COG1: variants seen among roughly 807,000 people sequenced by gnomAD.
COG1 encodes component of oligomeric golgi complex 1.
A neutral mutation model predicts 102.2 loss-of-function variants in COG1; 61 were observed. That is an observed-to-expected ratio of 0.60 (90% confidence interval 0.49 to 0.74). The LOEUF (loss-of-function observed/expected upper bound fraction) is 0.74, where lower values mean the gene tolerates loss of function less well. Among genes scored for constraint, COG1 ranks in the 30% least tolerant of loss-of-function variants. The probability of loss-of-function intolerance (pLI) is 0.00; values close to 1 mark genes in which losing one functional copy is unlikely to be tolerated. For synonymous variants in COG1, 454 were observed against 493.6 expected (o/e 0.92, Z 1.06); for missense variants, 1,164 against 1,232.1 (o/e 0.94, Z 0.83).
chr17:73,193,269 G>C lies in COG1; in HGVS notation c.200G>C (p.Gly67Ala), dbSNP rs886053367. 1.2e-6 allele frequency: 2 copies of C among 1,605,258 alleles called. No individual in the cohort carries two copies. Among genetic ancestry groups the C allele is most frequent in the Middle Eastern group, 1.7e-4 (1 of 5,894 alleles). ...RDLIEAADTI[G>A]QMRRCAVGLV... is the part of the protein sequence containing the mutation. ...CTGATCGAGGCGGCCGACACCATCGGCCAGATGCGCCGCTGCGCCGTGGGG... is the reference window on the plus strand; with the variant it reads ...CTGATCGAGGCGGCCGACACCATCGCCCAGATGCGCCGCTGCGCCGTGGGG... Residue 67 changes from glycine (G) to alanine (A), a missense_variant, in exon 1 of 14, where the codon GGC becomes GCC. Transcript: ENST00000299886.
At chr17:73,197,964 G>C (rs1028170286) in intron 4 of COG1, among the ~76,000 whole-genome samples, 1 of 152,246 alleles carries the variant, frequency 6.6e-6, no homozygotes. Flanking sequence ...GACCTTCCAG[G>C]CTTGGTGCGG....
rs1198875142 is a variant in COG1, at chr17:73,203,069, A to G, written c.2143A>G (p.Ser715Gly). The G allele has an allele frequency of 6.2e-7, 1 of 1,614,098 alleles. No individual in the cohort carries two copies. The highest frequency in any genetic ancestry group is 1.3e-5 in the African/African-American group (1 of 74,942). ...DAGSVLATATSWDELEIQEEA... is the reference protein window; with the variant it reads ...DAGSVLATATGWDELEIQEEA... ...TGGCTCAGTTCTGGCCACAGCCACC[A>G]GCTGGGATGAGCTAGAAATTCAGGA... The change falls in exon 8 of 14, where the codon AGC becomes GGC. Residue 715 changes from serine (S) to glycine (G), a missense_variant. Ser to Gly is a moderately conservative substitution (Grantham distance 56, BLOSUM62 0). Transcript: ENST00000299886.
At position 73,193,241 on chromosome 17, in the gene COG1, G is replaced by C; in HGVS notation, c.172G>C (p.Asp58His). ...GCAGATGGTGGGCGAACGGTACCGC[G>C]ACCTGATCGAGGCGGCCGACACCAT... ...LRQMVGERYRDLIEAADTIGQ... is the reference protein window; with the variant it reads ...LRQMVGERYRHLIEAADTIGQ... The change falls in exon 1 of 14, where the codon GAC becomes CAC. Residue 58 changes from aspartate to histidine, a missense_variant. By Grantham distance (81) the Asp-to-His change is moderately conservative. Coordinates refer to ENST00000299886, the MANE Select transcript of COG1 (RefSeq NM_018714.3). 1 of 1,608,744 alleles carries C rather than the reference G, an allele frequency of 6.2e-7. No individual in the cohort carries two copies. The highest frequency in any genetic ancestry group is 1.1e-5 in the South Asian group (1 of 90,026).
intron 4 of COG1, among the ~76,000 whole-genome samples, chr17:73,199,056 G>A (rs1032600287): frequency 6.6e-6 from 1 of 152,216 alleles, no homozygotes; most frequent in Non-Finnish European, 1.5e-5. Context: ...CATGGCTTTA[G>A]AAAGCAGTAC....
In COG1 at chr17:73,203,745, T is replaced by A. The variant is rs1466831389; in HGVS notation, c.2334T>A (p.Val778=). Residue 778 remains valine, a synonymous_variant, in exon 9 of 14, where the codon GTT becomes GTA. Transcript: ENST00000299886. Reference sequence around the variant, plus strand: ...AGGAGATGCTGAAAAGCTGTATGGTTCAAGTAGTAGCTGCCTATGAGAAAC... The same window carrying A: ...AGGAGATGCTGAAAAGCTGTATGGTACAAGTAGTAGCTGCCTATGAGAAAC... ...TLQEMLKSCM[V]QVVAAYEKLS... 6.2e-7 allele frequency: 1 copy of A among 1,614,096 alleles called. No homozygotes were observed. Among genetic ancestry groups the A allele is most frequent in the Non-Finnish European group, 8.5e-7 (1 of 1,180,044 alleles).
intron 1 of COG1, among the ~76,000 whole-genome samples, chr17:73,195,482 C>T (rs1383246225): frequency 6.6e-6 from 1 of 151,988 alleles, no homozygotes; most frequent in Non-Finnish European, 1.5e-5. Flanking sequence ...GGCATGGTGG[C>T]ACATGCCTGT....
chr17:73,196,363 T>G (rs1413295305), intron 1 of COG1, 144 bp from the exon 2 acceptor site: 1 of 1,213,600 alleles, frequency 8.2e-7, no homozygotes, highest in Non-Finnish European at 1.2e-6. Context: ...TACACTGGGC[T>G]TTGATGACTT....
intron 11 of COG1, 48 bp from the exon 12 acceptor site, chr17:73,206,658 CTT>C (rs2061374540): frequency 2.8e-6 from 3 of 1,088,518 alleles, no homozygotes; most frequent in Non-Finnish European, 4.0e-6. Context: ...TTTTTTTTGC[CTT>C]TCTTTTACCT....
intron 11 of COG1, among the ~76,000 whole-genome samples, 194 bp downstream of exon 11, chr17:73,206,456 C>T (rs2061372804): frequency 6.6e-6 from 1 of 152,086 alleles, no homozygotes; most frequent in Non-Finnish European, 1.5e-5. Context: ...CAAGATTTGG[C>T]CCCTTAAGTT....
intron 11 of COG1, 99 bp from the exon 12 acceptor site, chr17:73,206,605 CAGTT>C (rs1027003189): frequency 1.8e-5 from 14 of 795,850 alleles, no homozygotes; most frequent in Admixed American, 1.4e-4. Context: ...CCCAAAATGA[CAGTT>C]AGAAATACGG....
intron 13 of COG1, chr17:73,207,578 G>T: frequency 1.3e-6 from 1 of 784,940 alleles, no homozygotes; most frequent in Non-Finnish European, 1.9e-6. Flanking sequence ...GTACTTGTTT[G>T]GAGAAAATCT....
intron 9 of COG1, 89 bp downstream of exon 9, chr17:73,203,882 A>G: frequency 6.9e-7 from 1 of 1,448,930 alleles, no homozygotes; most frequent in South Asian, 1.2e-5. Flanking sequence ...TTCACATCAA[A>G]GACTCAAACT....
intron 12 of COG1, 80 bp from the exon 13 acceptor site, chr17:73,207,101 A>AAAAAAAAAAAAAAAAAAAAAAAAAC (rs2061379523): frequency 8.6e-7 from 1 of 1,156,842 alleles, no homozygotes; most frequent in African/African-American, 1.6e-5. Flanking sequence ...TCAAAAAAAA[A>AAAAAAAAAAAAAAAAAAAAAAAAAC]AAAAAAAAAA....
rs1009321107 is a variant in COG1 at position 73,208,216 on chromosome 17, T to G, written c.2806-98T>G. On this transcript the variant is annotated intron_variant, in intron 13 of 13. Coordinates refer to ENST00000299886, the MANE Select transcript of COG1 (RefSeq NM_018714.3). Reference sequence around the variant, plus strand: ...CCATCGTGCTTCTCAGCTCCGCTTGTGTGTGCCGTGTGGACTCCGAGTGGC... The same window carrying G: ...CCATCGTGCTTCTCAGCTCCGCTTGGGTGTGCCGTGTGGACTCCGAGTGGC... 3 of 1,600,314 alleles carry G rather than the reference T, an allele frequency of 1.9e-6. No homozygotes were observed. In the Admixed American group the frequency reaches 5.1e-5, roughly 27 times the overall value.
chr17:73,203,919 G>A (rs2061357548), intron 9 of COG1, 126 bp downstream of exon 9: 6 of 1,077,572 alleles, frequency 5.6e-6, no homozygotes, highest in South Asian at 2.7e-5. Context: ...CCCAGGCATC[G>A]GGTCCTGTAA....
At chr17:73,194,152 A>ATTTTTT (rs1257232460) in intron 1 of COG1, among the ~76,000 whole-genome samples, 2 of 147,352 alleles carry the variant, frequency 1.4e-5, no homozygotes, top group African/African-American at 2.5e-5. Flanking sequence ...TTCCTAAAGA[A>ATTTTTT]TTTTTATTGG....
intron 12 of COG1, 171 bp from the exon 13 acceptor site, chr17:73,207,010 G>A (rs947812214): frequency 5.4e-5 from 38 of 707,844 alleles, no homozygotes; most frequent in South Asian, 2.7e-4. Flanking sequence ...GGAGAATGGC[G>A]TGAACCCAGG....
intron 4 of COG1, 53 bp downstream of exon 4, chr17:73,197,449 C>A: frequency 2.5e-6 from 4 of 1,595,724 alleles, no homozygotes; most frequent in Non-Finnish European, 3.4e-6. Flanking sequence ...TGATAATTTG[C>A]TCAGCGTCTA....
chr17:73,195,257 T>C (rs1207772789), intron 1 of COG1, among the ~76,000 whole-genome samples: 1 of 152,216 alleles, frequency 6.6e-6, no homozygotes, highest in Non-Finnish European at 1.5e-5. Context: ...CAATTCCTGC[T>C]CTGAAGGAGC....
Sources: allele counts gnomAD v4.1 joint callset (sites outside exome capture counted in the v4.1 genomes callset), GRCh38; gene constraint gnomAD v4.1.1; transcripts MANE v1.5; gene names NCBI Gene and HGNC (gene_info 2026-07-23, HGNC 2026-07-21).